ANO3: variants seen among roughly 807,000 people sequenced by gnomAD.
ANO3 encodes anoctamin-3.
Under a neutral mutation model 144.8 loss-of-function variants are expected in ANO3, and 99 were observed. The observed-to-expected ratio is 0.68, with a 90% CI of 0.58 to 0.81. The LOEUF is 0.81. ANO3 is among the 30% of genes least tolerant of loss of function. The probability of loss-of-function intolerance (pLI) is 0.00; values close to 1 mark genes in which losing one functional copy is unlikely to be tolerated. For synonymous variants in ANO3, 414 were observed against 392.6 expected (o/e 1.05, Z -0.64); for missense variants, 905 against 1,202.2 (o/e 0.75, Z 3.66).
At chr11:26,272,096 C>T (rs1853452090) in intron 1 of ANO3, among the ~76,000 whole-genome samples, 1 of 152,076 alleles carries the variant, frequency 6.6e-6, no homozygotes, top group Non-Finnish European at 1.5e-5. Flanking sequence ...AGCGGTTCCT[C>T]TCTCCAGTAA....
chr11:26,604,183 G>T (rs946280203), intron 17 of ANO3, among the ~76,000 whole-genome samples: 1 of 152,000 alleles, frequency 6.6e-6, no homozygotes, highest in Admixed American at 6.6e-5. Context: ...TCTCCCCATT[G>T]CTTGTTTTTG....
Position 26,224,191 on chromosome 11 carries a change from C to T in ANO3, c.154+34861C>T, listed in dbSNP as rs552121502. 4.6e-5 allele frequency among the ~76,000 whole-genome samples: 7 copies of T among 152,212 alleles called. No homozygotes were observed. In the East Asian group the frequency reaches 5.8e-4, roughly 13 times the overall value. ...CCTCTCGGTAACCAAGGATGTGCTCCGGAGGCACTGGGGCACACACCAAGT... is the reference window on the plus strand; with the variant it reads ...CCTCTCGGTAACCAAGGATGTGCTCTGGAGGCACTGGGGCACACACCAAGT... On this transcript the variant is annotated intron_variant, in intron 1 of 27. Coordinates refer to the ANO3 transcript ENST00000672621.
At chr11:26,458,783 C>A (rs1208322540) in intron 3 of ANO3, among the ~76,000 whole-genome samples, 1 of 152,030 alleles carries the variant, frequency 6.6e-6, no homozygotes, top group Non-Finnish European at 1.5e-5. Flanking sequence ...GCACTTATAG[C>A]ACTTACAGTT....
chr11:26,450,091 T>C (rs1043390935), intron 3 of ANO3, among the ~76,000 whole-genome samples: 1 of 152,070 alleles, frequency 6.6e-6, no homozygotes, highest in African/African-American at 2.4e-5. Flanking sequence ...CTTACTGAAG[T>C]CCTCCCTAAT....
At chr11:26,346,060 CAT>C (rs1855489141) in intron 1 of ANO3, among the ~76,000 whole-genome samples, 2 of 152,138 alleles carry the variant, frequency 1.3e-5, no homozygotes, top group African/African-American at 2.4e-5. Context: ...CTATTGTGCA[CAT>C]GTTATGTTAC....
chr11:26,517,167 G>A (rs1488447866), intron 6 of ANO3, among the ~76,000 whole-genome samples: 1 of 151,878 alleles, frequency 6.6e-6, no homozygotes, highest in African/African-American at 2.4e-5. Context: ...GAGTAAAACA[G>A]TTATTTTCAA....
At chr11:26,583,226 C>T (rs1271904582) in intron 14 of ANO3, among the ~76,000 whole-genome samples, 1 of 152,172 alleles carries the variant, frequency 6.6e-6, no homozygotes, top group African/African-American at 2.4e-5. Flanking sequence ...TTACATGTAG[C>T]TTCTTATTTC....
At chr11:26,302,434 G>T (rs539167984) in intron 1 of ANO3, among the ~76,000 whole-genome samples, 1 of 152,290 alleles carries the variant, frequency 6.6e-6, no homozygotes, top group African/African-American at 2.4e-5. Flanking sequence ...GGCAGTGGTT[G>T]CAGTGAGGTG....
chr11:26,404,377 C>A (rs1014756626), intron 1 of ANO3, among the ~76,000 whole-genome samples: 1 of 151,914 alleles, frequency 6.6e-6, no homozygotes, highest in South Asian at 2.1e-4. Flanking sequence ...GTTCTATTCA[C>A]AAAGTCTAAT....
chr11:26,273,665 C>T (rs562288720), intron 1 of ANO3, among the ~76,000 whole-genome samples: 99 of 150,464 alleles, frequency 6.6e-4, no homozygotes, highest in Non-Finnish European at 8.5e-4. Flanking sequence ...CACACACACA[C>T]ACACACACAA....
intron 3 of ANO3, among the ~76,000 whole-genome samples, chr11:26,455,040 C>T (rs1859098556): frequency 6.6e-6 from 1 of 150,982 alleles, no homozygotes; most frequent in Non-Finnish European, 1.5e-5. Context: ...ATGCTAAAAA[C>T]TCTCAATAAA....
At chr11:26,434,493 CT>C (rs1858228191) in intron 1 of ANO3, among the ~76,000 whole-genome samples, 1 of 152,062 alleles carries the variant, frequency 6.6e-6, no homozygotes, top group South Asian at 2.1e-4. Flanking sequence ...ACTCTTGCTT[CT>C]CTAGTTCTTT....
intron 4 of ANO3, among the ~76,000 whole-genome samples, chr11:26,502,072 G>A (rs1055383118): frequency 6.6e-6 from 1 of 152,110 alleles, no homozygotes; most frequent in African/African-American, 2.4e-5. Context: ...CCTTTGCTAT[G>A]GTTCCATATT....
intron 24 of ANO3, among the ~76,000 whole-genome samples, chr11:26,648,213 A>G (rs1422605344): frequency 6.6e-6 from 1 of 152,130 alleles, no homozygotes; most frequent in Non-Finnish European, 1.5e-5. Flanking sequence ...ATTGCAACCT[A>G]TACTGGCTAA....
At chr11:26,247,684 A>G (rs1371237244) in intron 1 of ANO3, among the ~76,000 whole-genome samples, 1 of 147,438 alleles carries the variant, frequency 6.8e-6, no homozygotes, top group African/African-American at 2.5e-5. Flanking sequence ...TGAGAGTATT[A>G]TTGAAAAACC....
chr11:26,496,538 TG>T (rs1246015225), intron 4 of ANO3, among the ~76,000 whole-genome samples: 1 of 152,178 alleles, frequency 6.6e-6, no homozygotes, highest in African/African-American at 2.4e-5. Flanking sequence ...AGTGTTGGTT[TG>T]TTTGTTTTTA....
intron 14 of ANO3, among the ~76,000 whole-genome samples, chr11:26,595,370 C>T (rs1333618896): frequency 6.6e-6 from 1 of 151,032 alleles, no homozygotes; most frequent in Non-Finnish European, 1.5e-5. Context: ...GCTGCCCCAT[C>T]CAGATTCATT....
At chr11:26,390,790 G>A (rs1856855566) in intron 1 of ANO3, among the ~76,000 whole-genome samples, 2 of 152,078 alleles carry the variant, frequency 1.3e-5, no homozygotes, top group Admixed American at 1.3e-4. Flanking sequence ...CTTGTGGGAA[G>A]TACAATAAAG....
At chr11:26,287,470 G>A (rs923888488) in intron 1 of ANO3, 11 of 152,112 alleles carry the variant, frequency 7.2e-5, no homozygotes. Context: ...TTTATCCAAG[G>A]TCACACAGTC....
Sources: allele counts gnomAD v4.1 joint callset (sites outside exome capture counted in the v4.1 genomes callset), GRCh38; gene constraint gnomAD v4.1.1; transcripts MANE v1.5; gene names NCBI Gene and HGNC (gene_info 2026-07-23, HGNC 2026-07-21).